FBXW11: variants seen among roughly 807,000 people sequenced by gnomAD.
FBXW11 encodes the protein F-box/WD repeat-containing protein 11.
A neutral mutation model predicts 77.6 loss-of-function variants in FBXW11; 19 were observed. That is an observed-to-expected ratio of 0.24 (90% CI 0.17 to 0.36). The LOEUF (loss-of-function observed/expected upper bound fraction) is 0.36, where lower values mean the gene tolerates loss of function less well. Ranked by LOEUF, FBXW11 falls within the 10% of genes least tolerant of loss-of-function variation. The probability of loss-of-function intolerance (pLI) is 1.00; values close to 1 mark genes in which losing one functional copy is unlikely to be tolerated. For missense variants in FBXW11, 334 were observed against 704.2 expected (o/e 0.47, Z 5.95); for synonymous variants, 235 against 249.4 (o/e 0.94, Z 0.54).
At chr5:171,992,952 G>T (rs942644455) in intron 1 of FBXW11, among the ~76,000 whole-genome samples, 1 of 152,016 alleles carries the variant, frequency 6.6e-6, no homozygotes, top group Non-Finnish European at 1.5e-5. Context: ...ATGGATTACA[G>T]CAGTGATAAA....
chr5:171,948,234 C>CAAAAAAAAAAAAA (rs765248373), intron 2 of FBXW11, among the ~76,000 whole-genome samples: 1 of 44,336 alleles, frequency 2.3e-5, no homozygotes, highest in Admixed American at 2.3e-4. Context: ...GACTCCAACT[C>CAAAAAAAAAAAAA]AAAAAAAAAA....
At chr5:171,903,298 T>G (rs1168068414) in intron 4 of FBXW11, among the ~76,000 whole-genome samples, 1 of 152,088 alleles carries the variant, frequency 6.6e-6, no homozygotes, top group Non-Finnish European at 1.5e-5. Flanking sequence ...GAGGTCTCAC[T>G]ATATTGCCCG....
At chr5:172,000,370 T>C (rs192389168) in intron 1 of FBXW11, among the ~76,000 whole-genome samples, 3 of 152,288 alleles carry the variant, frequency 2.0e-5, no homozygotes, top group East Asian at 3.9e-4. Flanking sequence ...GGCATAAAAA[T>C]AGGACTGGGT....
At chr5:171,894,132 G>A (rs770789387) in intron 6 of FBXW11, among the ~76,000 whole-genome samples, 8 of 152,096 alleles carry the variant, frequency 5.3e-5, no homozygotes, top group Non-Finnish European at 8.8e-5. Context: ...AGAGGAGCCA[G>A]GGTCAGGTAC....
chr5:171,874,266 G>C (rs1314694429), intron 9 of FBXW11, among the ~76,000 whole-genome samples: 1 of 152,186 alleles, frequency 6.6e-6, no homozygotes, highest in Non-Finnish European at 1.5e-5. Flanking sequence ...ACAACAAGTT[G>C]TTTAGCATCA....
At chr5:171,889,605 G>A (rs1368623310) in intron 7 of FBXW11, among the ~76,000 whole-genome samples, 2 of 151,348 alleles carry the variant, frequency 1.3e-5, no homozygotes, top group African/African-American at 2.4e-5. Context: ...ATGAAAAGAC[G>A]GCCAGGCATG....
At chr5:172,000,570 C>T (rs938894715) in intron 1 of FBXW11, among the ~76,000 whole-genome samples, 45 of 152,178 alleles carry the variant, frequency 3.0e-4, no homozygotes, top group African/African-American at 1.1e-3. Flanking sequence ...CAAATAAATA[C>T]ATGCGCAACT....
chr5:171,903,525 C>T (rs1760276201), intron 4 of FBXW11, among the ~76,000 whole-genome samples: 1 of 152,184 alleles, frequency 6.6e-6, no homozygotes, highest in African/African-American at 2.4e-5. Context: ...ACTGCAGAAT[C>T]CGTCAGCCTT....
At chr5:171,936,498 C>CAAA (rs551599131) in intron 2 of FBXW11, among the ~76,000 whole-genome samples, 9 of 63,832 alleles carry the variant, frequency 1.4e-4, no homozygotes, top group African/African-American at 3.0e-4. Flanking sequence ...CCTGTCTCAC[C>CAAA]AAAAAAAAAA....
intron 2 of FBXW11, among the ~76,000 whole-genome samples, chr5:171,954,970 G>A (rs1403415949): frequency 1.3e-5 from 2 of 152,168 alleles, no homozygotes; most frequent in African/African-American, 4.8e-5. Context: ...TTACAGTTAT[G>A]TAAACATTAT....
chr5:171,877,007 T>C (rs766371143), intron 8 of FBXW11, among the ~76,000 whole-genome samples: 5 of 152,286 alleles, frequency 3.3e-5, no homozygotes, highest in Middle Eastern at 3.4e-3. Flanking sequence ...GCCTCGGGTA[T>C]TCCTTTATAG....
intron 10 of FBXW11, 150 bp downstream of exon 10, chr5:171,872,722 G>A (rs1259062599): frequency 6.3e-6 from 4 of 631,130 alleles, no homozygotes; most frequent in Non-Finnish European, 1.1e-5. Context: ...TGAGTATACA[G>A]AGCCCAAATA....
intron 1 of FBXW11, among the ~76,000 whole-genome samples, chr5:171,993,657 A>G (rs1228479361): frequency 6.6e-6 from 1 of 152,128 alleles, no homozygotes; most frequent in Non-Finnish European, 1.5e-5. Context: ...GCCAACACAC[A>G]TATCACTGTA....
intron 1 of FBXW11, among the ~76,000 whole-genome samples, chr5:171,978,079 A>C (rs1210089541): frequency 6.6e-6 from 1 of 152,174 alleles, no homozygotes; most frequent in East Asian, 1.9e-4. Flanking sequence ...GAGGTTAACT[A>C]GACAAGGAAG....
chr5:171,909,721 G>A (rs1348186864), intron 4 of FBXW11, among the ~76,000 whole-genome samples: 2 of 152,146 alleles, frequency 1.3e-5, no homozygotes, highest in African/African-American at 4.8e-5. Context: ...GTGCGCGCGT[G>A]CATGTACACA....
intron 13 of FBXW11, among the ~76,000 whole-genome samples, chr5:171,865,706 T>C (rs1757348656): frequency 6.6e-6 from 1 of 152,246 alleles, no homozygotes; most frequent in African/African-American, 2.4e-5. Context: ...CGATCTTATA[T>C]TGTCTTGTAG....
chr5:171,878,864 C>T (rs958504479), intron 7 of FBXW11, among the ~76,000 whole-genome samples: 5 of 151,836 alleles, frequency 3.3e-5, no homozygotes, highest in African/African-American at 4.8e-5. Flanking sequence ...AACATGACAA[C>T]GTCTATTAAG....
chr5:171,995,778 T>C (rs2113584375), intron 1 of FBXW11, among the ~76,000 whole-genome samples: 1 of 152,158 alleles, frequency 6.6e-6, no homozygotes, highest in East Asian at 1.9e-4. Flanking sequence ...TATTAAATTA[T>C]TAAAATACCA....
chr5:171,918,531 A>G (rs945934791), intron 2 of FBXW11, among the ~76,000 whole-genome samples: 16 of 152,214 alleles, frequency 1.1e-4, no homozygotes, highest in African/African-American at 3.9e-4. Flanking sequence ...TATGAGAAGG[A>G]AAAGTTATTT....
Sources: gnomAD v4.1 joint callset for allele counts (sites outside exome capture counted in the v4.1 genomes callset) on GRCh38, gnomAD v4.1.1 for gene constraint, MANE v1.5 for transcripts, NCBI Gene and HGNC (gene_info 2026-07-23, HGNC 2026-07-21) for gene names.